Variants in ADARB2 observed in about 807,000 individuals in gnomAD.
The protein encoded by ADARB2 is inactive double-stranded RNA-specific editase B2.
A neutral mutation model predicts 62.2 loss-of-function variants in ADARB2; 25 were observed. That is an observed-to-expected ratio of 0.40 (90% confidence interval 0.29 to 0.56). The LOEUF is 0.56. ADARB2 is among the 20% of genes least tolerant of loss of function. The probability of loss-of-function intolerance (pLI) is 0.43; values close to 1 mark genes in which losing one functional copy is unlikely to be tolerated. For synonymous variants in ADARB2, 572 were observed against 500.8 expected, an observed-to-expected ratio of 1.14 and a Z score of -1.90; for missense variants, 1,071 against 1,077.4, an observed-to-expected ratio of 0.99 and a Z score of 0.08.
chr10:1,589,276 G>A (rs569578948), intron 1 of ADARB2, among the ~76,000 whole-genome samples: 5 of 152,368 alleles, frequency 3.3e-5, no homozygotes, highest in Admixed American at 3.3e-4. Flanking sequence ...AGCCTCCAGG[G>A]GAGAACGTAT....
chr10:1,559,986 C>T (rs540964832), intron 1 of ADARB2, among the ~76,000 whole-genome samples: 1 of 152,140 alleles, frequency 6.6e-6, no homozygotes, highest in Admixed American at 6.5e-5. Context: ...AATCCCACTG[C>T]GTGGACGGCA....
intron 3 of ADARB2, chr10:1,290,825 AAC>A (rs1380402652): frequency 4.6e-5 from 7 of 152,278 alleles, no homozygotes; most frequent in African/African-American, 1.7e-4. Flanking sequence ...ATACCATTAA[AAC>A]ACAGAAAATA....
chr10:1,724,277 C>T (rs376104305), intron 1 of ADARB2, among the ~76,000 whole-genome samples: 1 of 152,204 alleles, frequency 6.6e-6, no homozygotes, highest in Non-Finnish European at 1.5e-5. Flanking sequence ...CTGGCCCATA[C>T]AGAACCATGA....
At chr10:1,529,060 C>T (rs1477743317) in intron 1 of ADARB2, among the ~76,000 whole-genome samples, 1 of 143,414 alleles carries the variant, frequency 7.0e-6, no homozygotes, top group Non-Finnish European at 1.6e-5. Context: ...CCAACAAATC[C>T]TCCAATCAGT....
intron 1 of ADARB2, among the ~76,000 whole-genome samples, chr10:1,583,566 G>A (rs1406913736): frequency 4.6e-5 from 7 of 152,166 alleles, no homozygotes; most frequent in Non-Finnish European, 8.8e-5. Context: ...GGAAAACTAC[G>A]AAACTCGAAA....
chr10:1,418,643 A>G (rs1307742705), intron 1 of ADARB2, among the ~76,000 whole-genome samples: 1 of 152,196 alleles, frequency 6.6e-6, no homozygotes, highest in Non-Finnish European at 1.5e-5. Context: ...TCTTTCACAC[A>G]GGGCTCTAGA....
At chr10:1,186,098 C>T (rs1232260850) in intron 8 of ADARB2, among the ~76,000 whole-genome samples, 2 of 152,232 alleles carry the variant, frequency 1.3e-5, no homozygotes, top group East Asian at 3.8e-4. Context: ...CAGCTGAGCC[C>T]CGCCAATTCA....
At chr10:1,241,390 C>G (rs138846174) in intron 5 of ADARB2, among the ~76,000 whole-genome samples, 2 of 152,136 alleles carry the variant, frequency 1.3e-5, no homozygotes, top group Non-Finnish European at 2.9e-5. Flanking sequence ...CTTGCCAAAG[C>G]CCCCCAAGGT....
intron 1 of ADARB2, among the ~76,000 whole-genome samples, chr10:1,669,477 G>GAC (rs150072375): frequency 6.8e-6 from 1 of 146,724 alleles, no homozygotes; most frequent in Non-Finnish European, 1.5e-5. Flanking sequence ...CACAGACACA[G>GAC]ACACACACAC....
At chr10:1,543,191 G>A (rs1050846966) in intron 1 of ADARB2, among the ~76,000 whole-genome samples, 3 of 152,186 alleles carry the variant, frequency 2.0e-5, no homozygotes, top group Admixed American at 1.3e-4. Context: ...AGCCAGAAAC[G>A]AAACCCTGAG....
At chr10:1,380,640 C>G (rs961838093) in intron 1 of ADARB2, among the ~76,000 whole-genome samples, 1 of 152,132 alleles carries the variant, frequency 6.6e-6, no homozygotes, top group Non-Finnish European at 1.5e-5. Context: ...CATTCGGGAG[C>G]CTGTTAACAG....
chr10:1,320,127 G>T (rs1831782184), intron 3 of ADARB2, among the ~76,000 whole-genome samples: 1 of 152,094 alleles, frequency 6.6e-6, no homozygotes, highest in Admixed American at 6.5e-5. Context: ...GACTCACAGT[G>T]GCCTCCAGCC....
intron 8 of ADARB2, chr10:1,186,631 G>A (rs182737139): frequency 2.8e-5 from 14 of 503,610 alleles, no homozygotes; most frequent in Admixed American, 1.4e-4. Context: ...GGAGGCGAGC[G>A]GGGCCCCTGA....
intron 7 of ADARB2, among the ~76,000 whole-genome samples, chr10:1,215,496 G>C (rs950396468): frequency 6.6e-6 from 1 of 152,188 alleles, no homozygotes; most frequent in African/African-American, 2.4e-5. Flanking sequence ...CCTCCTTCCT[G>C]CACATCCTGG....
intron 1 of ADARB2, among the ~76,000 whole-genome samples, chr10:1,486,790 G>T (rs952445718): frequency 2.6e-5 from 4 of 152,144 alleles, no homozygotes; most frequent in Non-Finnish European, 4.4e-5. Flanking sequence ...ATCCAGGACT[G>T]CCAGATATTT....
intron 1 of ADARB2, among the ~76,000 whole-genome samples, chr10:1,729,369 C>T (rs938591098): frequency 2.0e-5 from 3 of 152,154 alleles, no homozygotes; most frequent in African/African-American, 4.8e-5. Flanking sequence ...CAGTCTAACA[C>T]AAAGAGGGCA....
chr10:1,340,359 G>A (rs61833567), intron 3 of ADARB2, among the ~76,000 whole-genome samples: 2,975 of 8,344 alleles, frequency 0.36, 19 homozygotes, highest in Non-Finnish European at 0.45. Context: ...GGCAATAACC[G>A]GCATCCACCA....
chr10:1,347,628 C>G (rs1832092443), intron 3 of ADARB2, among the ~76,000 whole-genome samples: 1 of 152,184 alleles, frequency 6.6e-6, no homozygotes, highest in African/African-American at 2.4e-5. Flanking sequence ...CTCACCTCAG[C>G]TCTTCACGCC....
intron 7 of ADARB2, among the ~76,000 whole-genome samples, chr10:1,210,569 G>A (rs1044171137): frequency 8.5e-5 from 13 of 152,302 alleles, no homozygotes; most frequent in Admixed American, 3.3e-4. Context: ...CCATAAAGTC[G>A]TCTGCGTGGC....
Sources: gnomAD v4.1 joint callset for allele counts (sites outside exome capture counted in the v4.1 genomes callset) on GRCh38, gnomAD v4.1.1 for gene constraint, MANE v1.5 for transcripts, NCBI Gene and HGNC (gene_info 2026-07-23, HGNC 2026-07-21) for gene names.